Variants in SIRPB2 observed in about 807,000 individuals in gnomAD.
The protein encoded by SIRPB2 is signal-regulatory protein beta-2.
Under a neutral mutation model 27.1 loss-of-function variants are expected in SIRPB2, and 18 were observed. That is an observed-to-expected ratio of 0.66 (90% confidence interval 0.46 to 0.98). The LOEUF (loss-of-function observed/expected upper bound fraction) is 0.98. SIRPB2 is among the 50% of genes least tolerant of loss of function. SIRPB2 has a pLI of 0.00. For missense variants in SIRPB2, 420 were observed against 417.4 expected (o/e 1.01, Z -0.06); for synonymous variants, 150 against 164.6 (o/e 0.91, Z 0.68).
intron 2 of SIRPB2, 137 bp downstream of exon 2, chr20:1,479,563 G>A (rs2090645160): frequency 7.6e-7 from 1 of 1,322,990 alleles, no homozygotes; most frequent in African/African-American, 1.5e-5. Flanking sequence ...ACATGTAAAT[G>A]TGCATGTAGA....
At chr20:1,490,769 T>C (rs1054495620) in intron 1 of SIRPB2, among the ~76,000 whole-genome samples, 2 of 152,138 alleles carry the variant, frequency 1.3e-5, no homozygotes, top group Admixed American at 6.5e-5. Flanking sequence ...GGCTGTGCCA[T>C]CTATGTAGTC....
At chr20:1,477,128 G>A (rs2090613274) in intron 4 of SIRPB2, 1 of 1,528,778 alleles carries the variant, frequency 6.5e-7, no homozygotes, top group South Asian at 1.2e-5. Flanking sequence ...CAGTTACATG[G>A]CCCTGGCTAT....
In SIRPB2 at chr20:1,476,046, G is replaced by A; in HGVS notation, c.*121C>T. 1 of 1,103,660 alleles carries A rather than the reference G, an allele frequency of 9.1e-7. No homozygotes were observed. The highest frequency in any genetic ancestry group is 1.3e-6 in the Non-Finnish European group (1 of 760,414). The allele number at this position is 1,103,660 out of a possible 1,614,324, so 68.4% of individuals were successfully genotyped here. On this transcript the variant is annotated 3_prime_UTR_variant, in exon 5 of 5. Transcript: ENST00000359801. ...CTAGGTGGACCAAAACCAGATGTAG[G>A]GATCTAGGAGTTTGTCATGAGGCCT... is the stretch of plus-strand genomic sequence containing the variant.
At chr20:1,482,084 A>C (rs1386112426) in intron 1 of SIRPB2, among the ~76,000 whole-genome samples, 3 of 152,220 alleles carry the variant, frequency 2.0e-5, no homozygotes, top group Non-Finnish European at 4.4e-5. Flanking sequence ...AAAAAAAATA[A>C]CATTCTATTG....
Position 1,475,133 on chromosome 20 carries a change from CA to C in SIRPB2, c.*1033del. On this transcript the variant is annotated 3_prime_UTR_variant, in exon 5 of 5. Coordinates refer to ENST00000359801, the MANE Select transcript of SIRPB2 (RefSeq NM_001122962.2). ...GACATTGCCAAAAGTCCAGTGGGGG[CA>C]AAATCACTCATCTTGGGAACTACTG... The C allele has an allele frequency of 6.6e-6, 1 of 152,278 alleles. No individual in the cohort carries two copies. Among genetic ancestry groups the C allele is most frequent in the Non-Finnish European group, 1.5e-5 (1 of 68,044 alleles). 9.4% of individuals were successfully genotyped at this position (152,278 alleles called of 1,614,324 possible). A position where few individuals can be genotyped will look rare whatever the true frequency, so the allele number is the denominator to read the frequency against.
chr20:1,477,245 G>A (rs771082845), intron 4 of SIRPB2, 93 bp downstream of exon 4: 2 of 1,613,678 alleles, frequency 1.2e-6, no homozygotes, highest in Admixed American at 1.7e-5. Context: ...TTAGCCCCAG[G>A]AGTCTGGGAC....
rs2090627790 is a variant in SIRPB2, at chr20:1,478,257, T to C, written c.793+9A>G. ...GCTCTCCCGACAAGTCCAAAACCAATTGTCTCACCTTTCACTTTCAGGCTG... is the reference window on the plus strand; with the variant it reads ...GCTCTCCCGACAAGTCCAAAACCAACTGTCTCACCTTTCACTTTCAGGCTG... On this transcript the variant is annotated intron_variant, in intron 3 of 4. Transcript: ENST00000359801. The C allele has an allele frequency of 3.1e-6, 5 of 1,607,722 alleles. No individual in the cohort carries two copies. The highest frequency in any genetic ancestry group is 4.3e-6 in the Non-Finnish European group (5 of 1,175,322).
intron 1 of SIRPB2, among the ~76,000 whole-genome samples, chr20:1,487,240 G>C (rs1468206217): frequency 6.6e-6 from 1 of 152,026 alleles, no homozygotes; most frequent in Admixed American, 6.6e-5. Context: ...AAAATATTTA[G>C]CCAAAAATGT....
At position 1,475,758 on chromosome 20, in the gene SIRPB2, G is replaced by T; in HGVS notation, c.*409C>A. The T allele has an allele frequency of 6.1e-6, 1 of 164,670 alleles. No individual in the cohort carries two copies. The allele number at this position is 164,670 out of a possible 1,614,324, so 10.2% of individuals were successfully genotyped here. ...GAGTGGGGAGAAAGGTGTAGATGGAGGGGCACAGATGGTCTGGCTGGTTGA... is the reference window on the plus strand; with the variant it reads ...GAGTGGGGAGAAAGGTGTAGATGGATGGGCACAGATGGTCTGGCTGGTTGA... On this transcript the variant is annotated 3_prime_UTR_variant, in exon 5 of 5. Coordinates refer to ENST00000359801, the MANE Select transcript of SIRPB2 (RefSeq NM_001122962.2).
chr20:1,485,207 T>G (rs1396725335), intron 1 of SIRPB2, among the ~76,000 whole-genome samples: 1 of 152,206 alleles, frequency 6.6e-6, no homozygotes, highest in Non-Finnish European at 1.5e-5. Flanking sequence ...AACAACAATG[T>G]ATTGTAGATT....
At chr20:1,471,463 A>G (rs1345284726), downstream of SIRPB2, among the ~76,000 whole-genome samples, 3 of 152,252 alleles carry the variant, frequency 2.0e-5, no homozygotes. Context: ...AATTAGAGTT[A>G]CAGGTAACCA....
Position 1,478,458 on chromosome 20 carries a change from G to A in SIRPB2, c.601C>T (p.Arg201Trp), listed in dbSNP as rs373224185. 8 of 1,613,992 alleles carry A rather than the reference G, an allele frequency of 5.0e-6. No homozygotes were observed. Among genetic ancestry groups the A allele is most frequent in the East Asian group, 4.5e-5 (2 of 44,870 alleles). The change falls in exon 3 of 5, where the codon CGG becomes TGG. Residue 201 changes from arginine (R) to tryptophan (W), a missense_variant. Transcript: ENST00000359801. ...CCTCCAAAGTTGTAAATGGCCTCCC[G>A]GCTCAGACCAGCTCCCTGGAACCAC... ...IRWFQGAGLS[R>W]EAIYNFGGIS...
chr20:1,476,411 G>T, intron 4 of SIRPB2, 75 bp from the exon 5 acceptor site: 1 of 1,436,308 alleles, frequency 7.0e-7, no homozygotes, highest in Non-Finnish European at 9.4e-7. Context: ...TGCTGCCCAT[G>T]GGCAAGGTCA....
intron 1 of SIRPB2, 25 bp downstream of exon 1, chr20:1,491,250 C>A (rs2123068265): frequency 6.3e-7 from 1 of 1,599,244 alleles, no homozygotes; most frequent in Non-Finnish European, 8.5e-7. Context: ...GGGGTGGACC[C>A]TGTTCTATCC....
At position 1,475,100 on chromosome 20, in the gene SIRPB2, C is replaced by T. The variant is rs544747741; in HGVS notation, c.*1067G>A. 1 of 152,264 alleles carries T rather than the reference C, an allele frequency of 6.6e-6. No individual in the cohort carries two copies. Among genetic ancestry groups the T allele is most frequent in the East Asian group, 1.9e-4 (1 of 5,166 alleles). 9.4% of individuals were successfully genotyped at this position (152,264 alleles called of 1,614,324 possible). A position where few individuals can be genotyped will look rare whatever the true frequency, so the allele number is the denominator to read the frequency against. ...CCCCCCAGGTTGTGCCAACCAAAAA[C>T]ATCTCTAGACATTGCCAAAAGTCCA... On this transcript the variant is annotated 3_prime_UTR_variant, in exon 5 of 5. Transcript: ENST00000359801.
At chr20:1,487,639 G>A (rs996538163) in intron 1 of SIRPB2, among the ~76,000 whole-genome samples, 1 of 152,198 alleles carries the variant, frequency 6.6e-6, no homozygotes, top group African/African-American at 2.4e-5. Context: ...AGAGGCAACT[G>A]ATTTTTTAAA....
intron 1 of SIRPB2, among the ~76,000 whole-genome samples, chr20:1,484,441 G>A (rs796582259): frequency 2.6e-5 from 4 of 152,206 alleles, no homozygotes; most frequent in African/African-American, 9.6e-5. Context: ...TATTTGCAAA[G>A]TACTCACCTG....
downstream of SIRPB2, among the ~76,000 whole-genome samples, chr20:1,474,131 C>G (rs749580112): frequency 6.6e-6 from 1 of 152,218 alleles, no homozygotes; most frequent in Non-Finnish European, 1.5e-5. Context: ...CTTAACATCT[C>G]TTTTAGGGCT....
downstream of SIRPB2, chr20:1,474,485 C>T (rs1474457811): frequency 2.0e-5 from 3 of 152,330 alleles, no homozygotes; most frequent in Non-Finnish European, 2.9e-5. Flanking sequence ...AAATGTTTGC[C>T]TGGAAAGAGA....
Sources: gnomAD v4.1 joint callset for allele counts (sites outside exome capture counted in the v4.1 genomes callset) on GRCh38, gnomAD v4.1.1 for gene constraint, MANE v1.5 for transcripts, NCBI Gene and HGNC (gene_info 2026-07-23, HGNC 2026-07-21) for gene names.